Variants in NEU3 observed in about 807,000 individuals in gnomAD.
NEU3 encodes the protein sialidase-3.
In NEU3, 10 loss-of-function variants were observed where a neutral mutation model predicts 11.4. The observed-to-expected ratio is 0.88, with a 90% CI of 0.54 to 1.49. NEU3 has a LOEUF of 1.49. Among genes scored for constraint, NEU3 ranks in the 40% most tolerant of loss-of-function variants. NEU3 has a pLI of 0.00. For synonymous variants in NEU3, 212 were observed against 228.2 expected, an observed-to-expected ratio of 0.93 and a Z score of 0.64; for missense variants, 529 against 581.8, an observed-to-expected ratio of 0.91 and a Z score of 0.93.
At chr11:74,982,123 T>C in the NEU3 span, among the ~76,000 whole-genome samples, 2 of 152,178 alleles carry the variant, frequency 1.3e-5, no homozygotes, top group African/African-American at 4.8e-5. Flanking sequence ...GATAAGGATA[T>C]AGAACTTTGA....
intron 2 of NEU3, among the ~76,000 whole-genome samples, chr11:75,001,166 G>C (rs1356456460): frequency 1.3e-5 from 2 of 152,080 alleles, no homozygotes; most frequent in Non-Finnish European, 2.9e-5. Flanking sequence ...ATAGTTGTCA[G>C]GGTGATACCT....
In NEU3 at chr11:75,009,548, G is replaced by T. The variant is rs7483351; in HGVS notation, c.*3056G>T. On this transcript the variant is annotated 3_prime_UTR_variant, in exon 3 of 3. Coordinates refer to ENST00000294064, the MANE Select transcript of NEU3 (RefSeq NM_006656.6). ...ATAGGATGGAAAAGACAGGGCAGGT[G>T]GTAGCAGCTGTGAAGAAAAGAGGAA... 39,113 of 152,418 alleles carry T rather than the reference G, an allele frequency of 0.26. 5,891 individuals carry two copies. Among genetic ancestry groups the T allele is most frequent in the East Asian group, 0.53 (2,767 of 5,172 alleles). 9.4% of individuals were successfully genotyped at this position (152,418 alleles called of 1,614,324 possible).
chr11:75,020,218 C>G (rs753029169), downstream of NEU3, among the ~76,000 whole-genome samples: 103 of 152,130 alleles, frequency 6.8e-4, no homozygotes, highest in Non-Finnish European at 1.4e-3. Context: ...TTTACAGGCT[C>G]ATAGGTGGAA....
downstream of NEU3, among the ~76,000 whole-genome samples, chr11:75,013,973 A>G (rs1752366199): frequency 6.6e-6 from 1 of 152,216 alleles, no homozygotes; most frequent in Admixed American, 6.5e-5. Flanking sequence ...CATGGTGGAC[A>G]TTCAGCAGCT....
downstream of NEU3, among the ~76,000 whole-genome samples, chr11:75,020,362 G>T (rs1948997742): frequency 6.6e-6 from 1 of 152,152 alleles, no homozygotes; most frequent in Non-Finnish European, 1.5e-5. Flanking sequence ...TTTGGGAGGG[G>T]CCAGGAGCAG....
In NEU3 at chr11:75,006,243, T is replaced by C. The variant is rs762026856; in HGVS notation, c.1137T>C (p.Tyr379=). Residue 379 remains tyrosine, a synonymous_variant, in exon 3 of 3, where the codon TAT becomes TAC. Coordinates refer to ENST00000294064, the MANE Select transcript of NEU3 (RefSeq NM_006656.6). The stretch of plus-strand genomic sequence containing the variant: ...AACAGAGGGTTGACCTAGGTATCTA[T>C]CTCAACCAGACCCCCTTGGAGGCTG... ...SRKQRVDLGI[Y]LNQTPLEAAC... is the part of the protein sequence containing the mutation. 5 of 1,613,836 alleles carry C rather than the reference T, an allele frequency of 3.1e-6. No homozygotes were observed. The Admixed American group carries it at 6.7e-5, about 22-fold the overall frequency.
downstream of NEU3, among the ~76,000 whole-genome samples, chr11:75,014,978 A>G (rs1371975526): frequency 3.9e-5 from 6 of 152,268 alleles, no homozygotes; most frequent in Non-Finnish European, 7.3e-5. Flanking sequence ...GAAGATGTTC[A>G]AAACATGGGA....
chr11:74,988,882 C>A (rs1948696922), upstream of NEU3: 1 of 605,318 alleles, frequency 1.7e-6, no homozygotes. Flanking sequence ...CCAACCGCCA[C>A]TGACTACAGC....
chr11:75,005,766 C>G lies in NEU3; in HGVS notation c.660C>G (p.Phe220Leu), dbSNP rs375217007. Residue 220 changes from phenylalanine to leucine, a missense_variant, in exon 3 of 3, where the codon TTC becomes TTG. Transcript: ENST00000294064. ...ATACCTACTACATCCCTTCCTGGTT[C>G]TTTTGCTTCCAGCTACCATGTAAAA... ...PAYTYYIPSW[F>L]FCFQLPCKTR... The G allele has an allele frequency of 3.1e-6, 5 of 1,613,758 alleles. No homozygotes were observed. Among genetic ancestry groups the G allele is most frequent in the Non-Finnish European group, 3.4e-6 (4 of 1,179,766 alleles).
chr11:74,998,487 G>A (rs1284605760), intron 2 of NEU3, among the ~76,000 whole-genome samples: 1 of 152,096 alleles, frequency 6.6e-6, no homozygotes, highest in Non-Finnish European at 1.5e-5. Flanking sequence ...CAATGGTTTT[G>A]AGAGTCTTTT....
At chr11:75,002,009 G>A (rs370920663) in intron 2 of NEU3, among the ~76,000 whole-genome samples, 2 of 152,192 alleles carry the variant, frequency 1.3e-5, no homozygotes, top group South Asian at 4.1e-4. Flanking sequence ...ACTCTTCCGT[G>A]GGATGGGAGT....
At chr11:75,004,134 T>C (rs1162376899) in intron 2 of NEU3, among the ~76,000 whole-genome samples, 2 of 152,198 alleles carry the variant, frequency 1.3e-5, no homozygotes, top group Non-Finnish European at 2.9e-5. Context: ...TATTTGTAAT[T>C]TTGATATATG....
chr11:75,003,310 T>TA (rs1385876901), intron 2 of NEU3, among the ~76,000 whole-genome samples: 2 of 152,228 alleles, frequency 1.3e-5, no homozygotes, highest in African/African-American at 4.8e-5. Context: ...GCCTTTCAGT[T>TA]ACTTCTTTGA....
intron 1 of NEU3, 129 bp from the exon 2 acceptor site, chr11:74,994,380 T>C: frequency 1.6e-6 from 1 of 609,134 alleles, no homozygotes. Context: ...TATTCTTGTA[T>C]AAAGAAACAT....
intron 2 of NEU3, among the ~76,000 whole-genome samples, chr11:74,996,145 C>T (rs1013155009): frequency 1.3e-5 from 2 of 152,096 alleles, no homozygotes; most frequent in Non-Finnish European, 2.9e-5. Context: ...CAGAGCAATA[C>T]CCTGTCTACC....
At chr11:74,991,241 G>A (rs931990337) in intron 1 of NEU3, among the ~76,000 whole-genome samples, 1 of 152,196 alleles carries the variant, frequency 6.6e-6, no homozygotes, top group African/African-American at 2.4e-5. Context: ...GTATGCTCTA[G>A]TATTGAGTGA....
chr11:75,002,040 G>T (rs1004818553), intron 2 of NEU3, among the ~76,000 whole-genome samples: 4 of 152,122 alleles, frequency 2.6e-5, no homozygotes, highest in African/African-American at 7.2e-5. Context: ...TAACCCTTAT[G>T]GTCCATAATG....
downstream of NEU3, among the ~76,000 whole-genome samples, chr11:75,019,820 A>G (rs1948996136): frequency 1.3e-5 from 2 of 152,208 alleles, no homozygotes; most frequent in Non-Finnish European, 2.9e-5. Context: ...CAGAATCCCT[A>G]CTAGGGCACT....
downstream of NEU3, among the ~76,000 whole-genome samples, chr11:75,015,671 C>T (rs1418965371): frequency 1.3e-5 from 2 of 152,050 alleles, no homozygotes; most frequent in African/African-American, 4.8e-5. Context: ...CATATATTAC[C>T]TTACCTGCCT....
Sources: allele counts gnomAD v4.1 joint callset (sites outside exome capture counted in the v4.1 genomes callset), GRCh38; gene constraint gnomAD v4.1.1; transcripts MANE v1.5; gene names NCBI Gene and HGNC (gene_info 2026-07-23, HGNC 2026-07-21).